The following ARK2N variants were observed in gnomAD, a reference collection of about 807,000 sequenced individuals.
ARK2N encodes arkadia (RNF111) N-terminal like PKA signaling regulator 2N, also known as protein ARK2N.
the ARK2N span, among the ~76,000 whole-genome samples, chr18:46,230,923 C>T: frequency 2.0e-5 from 3 of 152,174 alleles, no homozygotes; most frequent in Non-Finnish European, 4.4e-5. Flanking sequence ...GATAATCTAG[C>T]TACAGCCTGC....
the ARK2N span, among the ~76,000 whole-genome samples, chr18:46,197,934 T>C: frequency 6.6e-6 from 1 of 152,182 alleles, no homozygotes; most frequent in Admixed American, 6.6e-5. Flanking sequence ...TGTCTTTTAG[T>C]TTGCTAGTTT....
the ARK2N span, among the ~76,000 whole-genome samples, chr18:46,189,707 A>G: frequency 6.6e-6 from 1 of 152,132 alleles, no homozygotes; most frequent in African/African-American, 2.4e-5. Flanking sequence ...CCTTGTTTCT[A>G]TAAAAAATTA....
the ARK2N span, among the ~76,000 whole-genome samples, chr18:46,206,442 T>G: frequency 6.6e-6 from 1 of 152,192 alleles, no homozygotes. Flanking sequence ...AAGAGTGGTC[T>G]TCAGCCCCAT....
the ARK2N span, among the ~76,000 whole-genome samples, chr18:46,204,892 G>GT: frequency 7.3e-4 from 104 of 142,622 alleles, no homozygotes; most frequent in African/African-American, 1.6e-3. Flanking sequence ...TAGTTTATTC[G>GT]TTTTTTTTTT....
the ARK2N span, among the ~76,000 whole-genome samples, chr18:46,243,267 G>T: frequency 6.6e-6 from 1 of 152,144 alleles, no homozygotes; most frequent in Non-Finnish European, 1.5e-5. Flanking sequence ...TTTGAGGCTT[G>T]GACTATTAGT....
chr18:46,185,104 T>TA, the ARK2N span, among the ~76,000 whole-genome samples: 1 of 152,360 alleles, frequency 6.6e-6, no homozygotes, highest in Admixed American at 6.5e-5. Flanking sequence ...ATAGTACTTT[T>TA]AAGCAAACAA....
chr18:46,204,104 CTT>C, the ARK2N span, among the ~76,000 whole-genome samples: 32 of 132,500 alleles, frequency 2.4e-4, no homozygotes, highest in Non-Finnish European at 2.5e-4. Context: ...TTTTTATGTT[CTT>C]TTTTTTTTTT....
chr18:46,244,076 T>C, the ARK2N span, among the ~76,000 whole-genome samples: 7 of 152,222 alleles, frequency 4.6e-5, no homozygotes, highest in Admixed American at 1.3e-4. Context: ...CCTAGGTTTC[T>C]CCTGATGATT....
At chr18:46,214,218 G>T in the ARK2N span, among the ~76,000 whole-genome samples, 2 of 152,152 alleles carry the variant, frequency 1.3e-5, no homozygotes, top group Non-Finnish European at 2.9e-5. Flanking sequence ...CCTAGTTTTT[G>T]TCTGCTATAG....
the ARK2N span, chr18:46,216,375 T>C: frequency 5.6e-6 from 9 of 1,613,822 alleles, no homozygotes; most frequent in East Asian, 1.8e-4. The surrounding 1 kb of genome is among the most constrained non-coding windows in gnomAD (Gnocchi z 4.3). Context: ...ATAAACAGAA[T>C]GGCCGAGTCG....
the ARK2N span, among the ~76,000 whole-genome samples, chr18:46,228,331 C>T: frequency 1.3e-5 from 2 of 152,146 alleles, no homozygotes; most frequent in Non-Finnish European, 2.9e-5. Context: ...CATGTGTAAA[C>T]TGCTTCAAGC....
the ARK2N span, among the ~76,000 whole-genome samples, chr18:46,200,926 C>T: frequency 6.6e-6 from 1 of 151,538 alleles, no homozygotes; most frequent in Admixed American, 6.6e-5. Context: ...GCTACAAATA[C>T]ATGGGTGCTA....
the ARK2N span, among the ~76,000 whole-genome samples, chr18:46,178,333 G>C: frequency 2.6e-5 from 4 of 152,080 alleles, no homozygotes; most frequent in Non-Finnish European, 5.9e-5. Flanking sequence ...TTTTTTTTGA[G>C]ACAGAGTCTC....
the ARK2N span, among the ~76,000 whole-genome samples, chr18:46,212,988 G>GA: frequency 8.6e-6 from 1 of 116,372 alleles, no homozygotes. Context: ...GCTTTAAGAA[G>GA]AATTTTTTTT....
chr18:46,222,677 A>G, the ARK2N span, among the ~76,000 whole-genome samples: 32 of 152,286 alleles, frequency 2.1e-4, no homozygotes, highest in African/African-American at 7.5e-4. Context: ...TAAGGTGAGA[A>G]TGTGGTCCCT....
At chr18:46,219,905 T>C in the ARK2N span, among the ~76,000 whole-genome samples, 1 of 152,332 alleles carries the variant, frequency 6.6e-6, no homozygotes, top group Admixed American at 6.5e-5. Context: ...ATAAAATCTG[T>C]AGTTGGAGGG....
chr18:46,212,620 A>G, the ARK2N span, among the ~76,000 whole-genome samples: 1 of 152,126 alleles, frequency 6.6e-6, no homozygotes, highest in Non-Finnish European at 1.5e-5. Flanking sequence ...ATTTGAGCAT[A>G]TTTAAGTGGT....
chr18:46,198,158 C>T, the ARK2N span, among the ~76,000 whole-genome samples: 2 of 151,670 alleles, frequency 1.3e-5, no homozygotes, highest in South Asian at 2.1e-4. Flanking sequence ...AAAAGTTAGC[C>T]GGGTATGGTG....
At chr18:46,242,737 TTTAG>T in the ARK2N span, among the ~76,000 whole-genome samples, 1 of 152,350 alleles carries the variant, frequency 6.6e-6, no homozygotes, top group Admixed American at 6.5e-5. Flanking sequence ...AATGTGCTTT[TTTAG>T]TTAAACATTT....
Sources: allele counts gnomAD v4.1 joint callset (sites outside exome capture counted in the v4.1 genomes callset), GRCh38; gene constraint gnomAD v4.1.1; non-coding constraint Gnocchi (gnomAD v3.1); transcripts MANE v1.5; gene names NCBI Gene and HGNC (gene_info 2026-07-23, HGNC 2026-07-21).